The following GPHN variants were observed in gnomAD, a reference collection of about 807,000 sequenced individuals.
GPHN encodes the protein gephyrin.
In GPHN, 17 loss-of-function variants were observed where a neutral mutation model predicts 95.5. The ratio of observed to expected loss-of-function variants is 0.18; its 90% CI spans 0.12 to 0.27. The LOEUF (loss-of-function observed/expected upper bound fraction) is 0.27, where lower values mean the gene tolerates loss of function less well. Ranked by LOEUF, GPHN falls within the 10% of genes least tolerant of loss-of-function variation. The pLI is 1.00. For missense variants in GPHN, 660 were observed against 978.1 expected, an observed-to-expected ratio of 0.67 and a Z score of 4.34; for synonymous variants, 320 against 322.5, an observed-to-expected ratio of 0.99 and a Z score of 0.08.
At chr14:67,541,581 A>C in the GPHN span, among the ~76,000 whole-genome samples, 1 of 152,224 alleles carries the variant, frequency 6.6e-6, no homozygotes, top group African/African-American at 2.4e-5. Flanking sequence ...AAATGAGACT[A>C]GGTTCTCCTT....
At chr14:67,658,529 G>C in the GPHN span, among the ~76,000 whole-genome samples, 1 of 152,190 alleles carries the variant, frequency 6.6e-6, no homozygotes, top group Non-Finnish European at 1.5e-5. Flanking sequence ...CCCGGGAGGT[G>C]GAGCTTGCAG....
chr14:67,512,782 G>A, the GPHN span, among the ~76,000 whole-genome samples: 1 of 152,124 alleles, frequency 6.6e-6, no homozygotes, highest in Non-Finnish European at 1.5e-5. Flanking sequence ...CTGTACACCA[G>A]GAAAAAGCCC....
At chr14:66,515,905 C>T (rs1156421442) in intron 1 of GPHN, among the ~76,000 whole-genome samples, 3 of 152,250 alleles carry the variant, frequency 2.0e-5, no homozygotes, top group East Asian at 3.9e-4. Flanking sequence ...CACATTCATG[C>T]TTCATTTATG....
the GPHN span, among the ~76,000 whole-genome samples, chr14:67,500,546 C>T: frequency 2.0e-5 from 3 of 151,208 alleles, no homozygotes; most frequent in Non-Finnish European, 4.4e-5. Context: ...TTCTGTGTTG[C>T]TTTTATGATT....
chr14:67,283,337 T>C, the GPHN span, among the ~76,000 whole-genome samples: 1 of 152,204 alleles, frequency 6.6e-6, no homozygotes, highest in African/African-American at 2.4e-5. Context: ...GTAAAATAGC[T>C]CTTTCAGATT....
chr14:66,964,396 T>A (rs891961695), intron 8 of GPHN, among the ~76,000 whole-genome samples: 2 of 152,214 alleles, frequency 1.3e-5, no homozygotes, highest in African/African-American at 4.8e-5. Context: ...ATCAGGATCC[T>A]AGCAGACGTC....
At chr14:66,647,413 T>A (rs1305143262) in intron 1 of GPHN, among the ~76,000 whole-genome samples, 1 of 151,558 alleles carries the variant, frequency 6.6e-6, no homozygotes, top group African/African-American at 2.4e-5. Flanking sequence ...GATGTATAAA[T>A]TTTATAAGAC....
chr14:66,728,865 G>A (rs2071497423), intron 2 of GPHN, among the ~76,000 whole-genome samples: 3 of 152,110 alleles, frequency 2.0e-5, no homozygotes, highest in Admixed American at 1.3e-4. Context: ...GAGGACATGA[G>A]ATTTAGGAGG....
rs182032687 is a variant in GPHN, at chr14:66,961,068, A to G, written c.829-4123A>G. ...GCAGGCCCTTTGAGTGTGTCCTTCA[A>G]TAAGCCATAAGATATTTCAACACAA... On this transcript the variant is annotated intron_variant, in intron 8 of 22. Transcript: ENST00000478722. Among the ~76,000 whole-genome samples the G allele has an allele frequency of 1.4e-3, 214 of 152,220 alleles. 1 individual carries two copies. Among genetic ancestry groups the G allele is most frequent in the African/African-American group, 4.9e-3 (202 of 41,558 alleles).
At chr14:66,795,668 A>G (rs188678406) in intron 3 of GPHN, among the ~76,000 whole-genome samples, 19 of 152,216 alleles carry the variant, frequency 1.2e-4, no homozygotes, top group Middle Eastern at 3.4e-3. Flanking sequence ...CATTTCTAAT[A>G]TGAATAATTG....
intron 12 of GPHN, among the ~76,000 whole-genome samples, chr14:67,091,272 C>A (rs1340556757): frequency 6.6e-6 from 1 of 151,926 alleles, no homozygotes; most frequent in South Asian, 2.1e-4. Context: ...CCCAATGGCT[C>A]CTATGTTTTT....
At chr14:67,574,486 T>C in the GPHN span, 7 of 1,159,710 alleles carry the variant, frequency 6.0e-6, no homozygotes, top group East Asian at 2.8e-5. The surrounding 1 kb of genome is among the most constrained non-coding windows in gnomAD (Gnocchi z 4.2). Flanking sequence ...GGGTGGTGGG[T>C]TCCCCCTTAT....
chr14:66,825,903 T>C (rs1268094554), intron 4 of GPHN, among the ~76,000 whole-genome samples: 1 of 152,158 alleles, frequency 6.6e-6, no homozygotes, highest in Non-Finnish European at 1.5e-5. Flanking sequence ...ACTGAAAAAG[T>C]ACAATTGGGA....
At chr14:66,970,377 G>A (rs755303744) in intron 9 of GPHN, among the ~76,000 whole-genome samples, 5 of 152,108 alleles carry the variant, frequency 3.3e-5, no homozygotes, top group African/African-American at 7.2e-5. Context: ...AGTCTGAAAG[G>A]CAGTGTGAAT....
chr14:66,550,215 G>A (rs1307980713), intron 1 of GPHN, among the ~76,000 whole-genome samples: 1 of 152,196 alleles, frequency 6.6e-6, no homozygotes, highest in Non-Finnish European at 1.5e-5. Flanking sequence ...AAGGAATTCA[G>A]CATTCTTGAT....
the GPHN span, among the ~76,000 whole-genome samples, chr14:67,406,570 G>T: frequency 2.0e-5 from 3 of 152,218 alleles, no homozygotes; most frequent in African/African-American, 7.2e-5. Flanking sequence ...GTGCCACAAA[G>T]TTTGATCTTC....
At chr14:67,376,463 G>T in the GPHN span, 11 of 1,612,770 alleles carry the variant, frequency 6.8e-6, no homozygotes, top group South Asian at 1.1e-4. Context: ...TCGTCATGTT[G>T]CTGAGGTGTT....
chr14:66,551,613 A>C (rs1245366147), intron 1 of GPHN, among the ~76,000 whole-genome samples: 2 of 152,168 alleles, frequency 1.3e-5, no homozygotes, highest in African/African-American at 4.8e-5. Flanking sequence ...CACGGCTATA[A>C]AGAAGTTCTT....
intron 16 of GPHN, among the ~76,000 whole-genome samples, chr14:67,117,773 A>G (rs573359569): frequency 1.3e-5 from 2 of 152,290 alleles, no homozygotes; most frequent in East Asian, 3.9e-4. Context: ...AACAAAAACA[A>G]TATCAGCTGT....
Sources: gnomAD v4.1 joint callset for allele counts (sites outside exome capture counted in the v4.1 genomes callset) on GRCh38, gnomAD v4.1.1 for gene constraint, Gnocchi (gnomAD v3.1) non-coding constraint, MANE v1.5 for transcripts, NCBI Gene and HGNC (gene_info 2026-07-23, HGNC 2026-07-21) for gene names.